Variants in STK11IP observed in about 807,000 individuals in gnomAD.
The protein encoded by STK11IP is serine/threonine-protein kinase 11-interacting protein.
A neutral mutation model predicts 131.7 loss-of-function variants in STK11IP; 103 were observed. The observed-to-expected ratio is 0.78, with a 90% CI of 0.67 to 0.92. The LOEUF is 0.92. STK11IP is among the 40% of genes least tolerant of loss of function. The pLI, the probability that STK11IP is intolerant of heterozygous loss-of-function variation, is 0.00. For missense variants in STK11IP, 1,315 were observed against 1,385.7 expected, an observed-to-expected ratio of 0.95 and a Z score of 0.81; for synonymous variants, 557 against 575.6, an observed-to-expected ratio of 0.97 and a Z score of 0.46.
intron 19 of STK11IP, 67 bp from the exon 20 acceptor site, chr2:219,613,061 G>C: frequency 7.4e-7 from 1 of 1,353,986 alleles, no homozygotes. Context: ...CAGGAACTCG[G>C]CTTTCAGTCT....
At chr2:219,604,893 G>C (rs1481586692) in intron 7 of STK11IP, among the ~76,000 whole-genome samples, 1 of 151,676 alleles carries the variant, frequency 6.6e-6, no homozygotes, top group South Asian at 2.1e-4. Flanking sequence ...GCAATGGCAC[G>C]ATCTTGGCTC....
rs1440174903 is a variant in STK11IP at position 219,611,636 on chromosome 2, G to A, written c.2137G>A (p.Asp713Asn). The change falls in exon 18 of 25, where the codon GAC becomes AAC. Residue 713 changes from aspartate to asparagine, a missense_variant. Coordinates refer to ENST00000456909, the MANE Select transcript of STK11IP (RefSeq NM_052902.4). ...TGCTGTGTGTCCTAACTGTGGTAGTGACCACGTGGTTCTCCTCGCTGTGTC... is the reference window on the plus strand; with the variant it reads ...TGCTGTGTGTCCTAACTGTGGTAGTAACCACGTGGTTCTCCTCGCTGTGTC... ...SPAVCPNCGS[D>N]HVVLLAVSRG... 6.2e-7 allele frequency: 1 copy of A among 1,613,164 alleles called. No individual in the cohort carries two copies.
At chr2:219,615,560 T>A (rs115357993) in intron 24 of STK11IP, 4 of 684,068 alleles carry the variant, frequency 5.8e-6, no homozygotes, top group Non-Finnish European at 1.0e-5. Context: ...ACACCTGGAC[T>A]GGGAGCCCAG....
intron 24 of STK11IP, chr2:219,615,843 T>G (rs1698554473): frequency 1.3e-6 from 1 of 759,854 alleles, no homozygotes; most frequent in South Asian, 1.5e-5. Flanking sequence ...ACAGGTCCTC[T>G]GGAGGCTTTC....
Position 219,614,179 on chromosome 2 carries a change from C to T in STK11IP, c.2735C>T (p.Pro912Leu). The T allele has an allele frequency of 6.2e-7, 1 of 1,613,502 alleles. No individual in the cohort carries two copies. Among genetic ancestry groups the T allele is most frequent in the South Asian group, 1.1e-5 (1 of 91,088 alleles). The change falls in exon 22 of 25, where the codon CCC becomes CTC. Residue 912 changes from proline (P) to leucine (L), a missense_variant. By Grantham distance (98) the Pro-to-Leu change is moderately conservative (BLOSUM62 -3). Coordinates refer to ENST00000456909, the MANE Select transcript of STK11IP (RefSeq NM_052902.4). ...TGTCTAGATGTCTTGCAGTCTCTGCCCCCTGCCTGGAGGAACTGTGTCAGT... is the reference window on the plus strand; with the variant it reads ...TGTCTAGATGTCTTGCAGTCTCTGCTCCCTGCCTGGAGGAACTGTGTCAGT... ...EELLDVLQSL[P>L]PAWRNCVSAT... is the part of the protein sequence containing the mutation.
In STK11IP at chr2:219,616,088, G is replaced by A. The variant is rs1559190288; in HGVS notation, c.3162G>A (p.Gln1054=). 1.2e-6 allele frequency: 2 copies of A among 1,613,900 alleles called. No individual in the cohort carries two copies. The highest frequency in any genetic ancestry group is 4.5e-5 in the East Asian group (2 of 44,888). The change falls in exon 25 of 25, where the codon CAG becomes CAA. Residue 1054 remains glutamine, a synonymous_variant. Transcript: ENST00000456909. ...ESFWALRVVC[Q]EQLTALLAWI... is the part of the protein sequence containing the mutation. ...TTTGGGCACTCCGTGTGGTGTGTCAGGAGCAGCTGACAGCCCTGCTTGCCT... is the reference window on the plus strand; with the variant it reads ...TTTGGGCACTCCGTGTGGTGTGTCAAGAGCAGCTGACAGCCCTGCTTGCCT...
chr2:219,604,061 C>T (rs1194717042), intron 7 of STK11IP, among the ~76,000 whole-genome samples: 2 of 152,144 alleles, frequency 1.3e-5, no homozygotes, highest in Non-Finnish European at 2.9e-5. Flanking sequence ...AGGCTCCTAC[C>T]TTCCCACAGA....
chr2:219,602,007 A>G lies in STK11IP; in HGVS notation c.362A>G (p.His121Arg). The change falls in exon 5 of 25, where the codon CAC (histidine) becomes CGC (arginine). Residue 121 changes from histidine to arginine, a missense_variant. Transcript: ENST00000456909. ...RHLELRGVPL[H>R]CLHGLRGIYS... ...TCCCAGCTCCGAGGTGTTCCCCTCC[A>G]CTGTCTGCATGGCCTCCGAGGCATC... is the stretch of plus-strand genomic sequence containing the variant. The G allele has an allele frequency of 6.2e-7, 1 of 1,611,480 alleles. No individual in the cohort carries two copies. The highest frequency in any genetic ancestry group is 8.5e-7 in the Non-Finnish European group (1 of 1,179,060).
rs772918101 is a variant in STK11IP at position 219,615,123 on chromosome 2, C to T, written c.2899C>T (p.Leu967=). 6.2e-7 allele frequency: 1 copy of T among 1,609,468 alleles called. No individual in the cohort carries two copies. The highest frequency in any genetic ancestry group is 1.1e-5 in the South Asian group (1 of 90,162). The change falls in exon 24 of 25, where the codon CTG becomes TTG. Residue 967 remains leucine (L), a synonymous_variant. Coordinates refer to ENST00000456909, the MANE Select transcript of STK11IP (RefSeq NM_052902.4). ...GPSTCLVSLL[L]TPSTLFLLDE... is the part of the protein sequence containing the mutation. Reference sequence around the variant, plus strand: ...TTCCACCTGCCTCGTATCCCTGTTGCTGACTCCGTCCACCCTGTTCCTGTT... The same window carrying T: ...TTCCACCTGCCTCGTATCCCTGTTGTTGACTCCGTCCACCCTGTTCCTGTT...
chr2:219,615,337 A>C lies in STK11IP; in HGVS notation c.3113A>C (p.Asp1038Ala). The C allele has an allele frequency of 6.2e-7, 1 of 1,600,350 alleles. No homozygotes were observed. Among genetic ancestry groups the C allele is most frequent in the Non-Finnish European group, 8.5e-7 (1 of 1,178,738 alleles). The change falls in exon 24 of 25, where the codon GAT becomes GCT. Residue 1038 changes from aspartate (D) to alanine (A), a missense_variant. Transcript: ENST00000456909. ...APEDLRLLFY[D>A]EVSRLESFWA... The stretch of plus-strand genomic sequence containing the variant: ...GAGGACTTGCGGCTGCTCTTCTACG[A>C]TGAGGTGTGTATGTGTATCTCCAGT...
chr2:219,614,048 G>T, intron 21 of STK11IP, 113 bp from the exon 22 acceptor site: 1 of 1,521,430 alleles, frequency 6.6e-7, no homozygotes, highest in Non-Finnish European at 9.0e-7. Flanking sequence ...CTTGTCCCTT[G>T]TAGAAGTTTC....
In STK11IP at chr2:219,612,004, C is replaced by A. The variant is rs1698413972; in HGVS notation, c.2385C>A (p.Phe795Leu). The change falls in exon 19 of 25, where the codon TTC becomes TTA. Residue 795 changes from phenylalanine to leucine, a missense_variant. Transcript: ENST00000456909. Reference protein sequence around the residue: ...LRSVDHRLRLFLDVEVFSDAQ... With the variant: ...LRSVDHRLRLLLDVEVFSDAQ... ...CTGTGGACCACCGACTCCGGCTCTT[C>A]CTGGATGTTGAGGTGTTCAGCGATG... 2 of 1,605,488 alleles carry A rather than the reference C, an allele frequency of 1.2e-6. No homozygotes were observed. Among genetic ancestry groups the A allele is most frequent in the Non-Finnish European group, 8.5e-7 (1 of 1,176,932 alleles).
chr2:219,616,362 A>C lies in STK11IP; in HGVS notation c.*169A>C. 1.2e-6 allele frequency: 1 copy of C among 869,490 alleles called. No homozygotes were observed. Among genetic ancestry groups the C allele is most frequent in the Non-Finnish European group, 1.7e-6 (1 of 587,336 alleles). 53.9% of individuals were successfully genotyped at this position (869,490 alleles called of 1,614,324 possible). ...GGCTTAAGGGAGAGGCGAGAGAATG[A>C]TCTGGCCTCAGGGGACAGGCCACCT... On this transcript the variant is annotated 3_prime_UTR_variant, in exon 25 of 25. Coordinates refer to ENST00000456909, the MANE Select transcript of STK11IP (RefSeq NM_052902.4).
rs1697856163 is a variant in STK11IP, at chr2:219,598,143, C to T, written c.24C>T (p.Ser8=). Residue 8 remains serine (S), a synonymous_variant, in exon 2 of 25, where the codon TCC becomes TCT. Coordinates refer to ENST00000456909, the MANE Select transcript of STK11IP (RefSeq NM_052902.4). MTTAQRD[S]LLWKLAGLLR... is the part of the protein sequence containing the mutation. Reference sequence around the variant, plus strand: ...CCATGACGACCGCTCAGAGGGACTCCCTGTTGTGGAAGCTCGCGGGGTTGC... The same window carrying T: ...CCATGACGACCGCTCAGAGGGACTCTCTGTTGTGGAAGCTCGCGGGGTTGC... 10 of 1,587,130 alleles carry T rather than the reference C, an allele frequency of 6.3e-6. No homozygotes were observed. Among genetic ancestry groups the T allele is most frequent in the Non-Finnish European group, 8.6e-6 (10 of 1,166,932 alleles).
intron 7 of STK11IP, among the ~76,000 whole-genome samples, chr2:219,603,045 T>C (rs978345606): frequency 5.4e-5 from 8 of 147,446 alleles, no homozygotes; most frequent in Non-Finnish European, 1.0e-4. Context: ...GGTTTTTTTT[T>C]TTTTTTTTTT....
chr2:219,602,767 A>G lies in STK11IP; in HGVS notation c.609A>G (p.Gly203=). ...ACAATCAAGTCCAGGACTGTCAGGG[A>G]TTCCTGATGGTGAGTATGGGCAGTT... ...LSHNQVQDCQ[G]FLMDLCELHH... The change falls in exon 7 of 25, where the codon GGA becomes GGG. Residue 203 remains glycine, a synonymous_variant. Coordinates refer to ENST00000456909, the MANE Select transcript of STK11IP (RefSeq NM_052902.4). The G allele has an allele frequency of 1.2e-6, 2 of 1,611,550 alleles. No homozygotes were observed. Among genetic ancestry groups the G allele is most frequent in the Non-Finnish European group, 1.7e-6 (2 of 1,178,890 alleles).
In STK11IP at chr2:219,615,343, T is replaced by C; in HGVS notation, c.3117+2T>C. The C allele has an allele frequency of 6.3e-7, 1 of 1,593,962 alleles. No individual in the cohort carries two copies. The highest frequency in any genetic ancestry group is 8.5e-7 in the Non-Finnish European group (1 of 1,174,102). On this transcript the variant is annotated splice_donor_variant, in intron 24 of 24. Coordinates refer to ENST00000456909, the MANE Select transcript of STK11IP (RefSeq NM_052902.4). LOFTEE classifies it high-confidence loss of function. Reference sequence around the variant, plus strand: ...TTGCGGCTGCTCTTCTACGATGAGGTGTGTATGTGTATCTCCAGTGAGAGG... The same window carrying C: ...TTGCGGCTGCTCTTCTACGATGAGGCGTGTATGTGTATCTCCAGTGAGAGG...
intron 5 of STK11IP, 132 bp from the exon 6 acceptor site, chr2:219,602,335 TG>T: frequency 1.4e-6 from 1 of 720,162 alleles, no homozygotes; most frequent in South Asian, 1.8e-5. Context: ...GTCAGGGACC[TG>T]GGCTTTAAGC....
At chr2:219,599,786 T>G (rs910864903) in intron 2 of STK11IP, among the ~76,000 whole-genome samples, 1 of 150,890 alleles carries the variant, frequency 6.6e-6, no homozygotes, top group Non-Finnish European at 1.5e-5. Flanking sequence ...CAGGCTGGAG[T>G]GCAGTGGTAT....
Sources: gnomAD v4.1 joint callset for allele counts (sites outside exome capture counted in the v4.1 genomes callset) on GRCh38, gnomAD v4.1.1 for gene constraint, MANE v1.5 for transcripts, NCBI Gene and HGNC (gene_info 2026-07-23, HGNC 2026-07-21) for gene names.